RNF220: variants seen among roughly 807,000 people sequenced by gnomAD.
RNF220 encodes ring finger protein 220, also known as E3 ubiquitin-protein ligase RNF220.
Under a neutral mutation model 67.1 loss-of-function variants are expected in RNF220, and 7 were observed. That is an observed-to-expected ratio of 0.10 (90% CI 0.06 to 0.20). The LOEUF (loss-of-function observed/expected upper bound fraction) is 0.20. RNF220 is among the 10% of genes least tolerant of loss of function. The pLI, the probability that RNF220 is intolerant of heterozygous loss-of-function variation, is 1.00. For synonymous variants in RNF220, 270 were observed against 283.2 expected, an observed-to-expected ratio of 0.95 and a Z score of 0.47; for missense variants, 565 against 740.3, an observed-to-expected ratio of 0.76 and a Z score of 2.75.
Position 44,570,498 on chromosome 1 carries a change from T to C in RNF220, c.626-43667T>C, listed in dbSNP as rs544594164. Among the ~76,000 whole-genome samples the C allele has an allele frequency of 7.2e-5, 11 of 152,316 alleles. No homozygotes were observed. The South Asian group carries it at 1.0e-3, about 14-fold the overall frequency. On this transcript the variant is annotated intron_variant, in intron 2 of 14. Coordinates refer to ENST00000361799, the MANE Select transcript of RNF220 (RefSeq NM_018150.4). Reference sequence around the variant, plus strand: ...TTATGTTGGACTAAGGAAAGTAAAGTACAGAGGGGTCGGATAATGTCCCCG... The same window carrying C: ...TTATGTTGGACTAAGGAAAGTAAAGCACAGAGGGGTCGGATAATGTCCCCG...
chr1:44,499,994 CTCCATCTCTACCACATG>C (rs1030883459), intron 2 of RNF220, among the ~76,000 whole-genome samples: 7 of 119,290 alleles, frequency 5.9e-5, no homozygotes, highest in Admixed American at 4.7e-4. Context: ...GACAGCTTCT[CTCCATCTCTACCACATG>C]ACCCTGGACC....
intron 2 of RNF220, among the ~76,000 whole-genome samples, chr1:44,428,890 G>A (rs897559905): frequency 1.3e-5 from 2 of 151,950 alleles, no homozygotes; most frequent in African/African-American, 4.8e-5. Flanking sequence ...TGCAGTTGGA[G>A]GAATTGGATA....
intron 2 of RNF220, among the ~76,000 whole-genome samples, chr1:44,497,358 C>A (rs1657431410): frequency 2.0e-5 from 3 of 151,686 alleles, no homozygotes; most frequent in African/African-American, 7.3e-5. Context: ...CACACACACA[C>A]ACACACAGAG....
chr1:44,561,215 A>G lies in RNF220; in HGVS notation c.626-52950A>G, dbSNP rs149364024. On this transcript the variant is annotated intron_variant, in intron 2 of 14. Transcript: ENST00000361799. ...TGAAGATGTGTGAACTGAGTCTTTA[A>G]AAAAGAACCTACGTGGCTGGGCGCG... Among the ~76,000 whole-genome samples, 222 of 152,306 alleles carry G rather than the reference A, an allele frequency of 1.5e-3. 1 individual carries two copies. The highest frequency in any genetic ancestry group is 5.1e-3 in the African/African-American group (210 of 41,580).
At chr1:44,572,924 TC>T in intron 2 of RNF220, 1 of 349,210 alleles carries the variant, frequency 2.9e-6, no homozygotes, top group Non-Finnish European at 5.9e-6. Flanking sequence ...AAGGGAAAGA[TC>T]CTCCAGGTGG....
At chr1:44,426,049 G>A (rs1218621855) in intron 2 of RNF220, among the ~76,000 whole-genome samples, 1 of 152,148 alleles carries the variant, frequency 6.6e-6, no homozygotes, top group African/African-American at 2.4e-5. Context: ...TTGGCAGGCT[G>A]TTTTCTATAC....
intron 2 of RNF220, among the ~76,000 whole-genome samples, chr1:44,428,285 G>C (rs754821491): frequency 6.6e-6 from 1 of 152,204 alleles, no homozygotes; most frequent in Non-Finnish European, 1.5e-5. Context: ...AGCCAACTCA[G>C]ATAGCAAGTC....
chr1:44,563,121 G>A (rs112380756), intron 2 of RNF220, among the ~76,000 whole-genome samples: 396 of 152,342 alleles, frequency 2.6e-3, no homozygotes, highest in Non-Finnish European at 4.2e-3. Flanking sequence ...GAGAAGCTGG[G>A]GAATATTTCT....
chr1:44,422,644 AG>A (rs1223766691), intron 2 of RNF220, among the ~76,000 whole-genome samples: 2 of 152,336 alleles, frequency 1.3e-5, no homozygotes, highest in Non-Finnish European at 1.5e-5. Context: ...TGAGAAGTTG[AG>A]TGACTTGTAA....
chr1:44,422,593 C>T (rs1649350407), intron 2 of RNF220, among the ~76,000 whole-genome samples: 1 of 152,176 alleles, frequency 6.6e-6, no homozygotes, highest in Admixed American at 6.5e-5. Flanking sequence ...GTGCCTGCTG[C>T]TGAAGTACCC....
At position 44,472,963 on chromosome 1, in the gene RNF220, C is replaced by T. The variant is rs1432136299; in HGVS notation, c.625+60241C>T. Reference sequence around the variant, plus strand: ...CACTTTGCCCTAACTAGGTCACATACGTTCCGGACAGGATGATATTCATGT... The same window carrying T: ...CACTTTGCCCTAACTAGGTCACATATGTTCCGGACAGGATGATATTCATGT... On this transcript the variant is annotated intron_variant, in intron 2 of 14. Transcript: ENST00000361799. Among the ~76,000 whole-genome samples, 3 of 152,142 alleles carry T rather than the reference C, an allele frequency of 2.0e-5. No individual in the cohort carries two copies. The East Asian group carries it at 5.8e-4, about 29-fold the overall frequency.
Position 44,649,887 on chromosome 1 carries a change from C to T in RNF220, c.1559C>T (p.Ser520Leu), listed in dbSNP as rs1367860884. The T allele has an allele frequency of 5.0e-6, 8 of 1,613,940 alleles. No homozygotes were observed. Among genetic ancestry groups the T allele is most frequent in the South Asian group, 2.2e-5 (2 of 91,094 alleles). Reference protein sequence around the residue: ...DRYKCLICMDSYSMPLTSIQC... With the variant: ...DRYKCLICMDLYSMPLTSIQC... ...TCTCTGCCCCCTCCTCCCTAGGACT[C>T]GTACTCGATGCCCCTAACGTCCATC... Residue 520 changes from serine (S) to leucine (L), a missense_variant, in exon 14 of 15, where the codon TCG becomes TTG. Ser to Leu is a moderately radical substitution (Grantham distance 145). Coordinates refer to ENST00000361799, the MANE Select transcript of RNF220 (RefSeq NM_018150.4). This position sits in a 1 kb window ranked among gnomAD's most constrained non-coding sequence, Gnocchi z 5.9.
chr1:44,637,274 T>C (rs1216290158), intron 8 of RNF220, among the ~76,000 whole-genome samples: 2 of 152,194 alleles, frequency 1.3e-5, no homozygotes, highest in Non-Finnish European at 2.9e-5. Flanking sequence ...GTCTCTCACA[T>C]TACCCAGGTG....
intron 2 of RNF220, among the ~76,000 whole-genome samples, chr1:44,470,782 C>G (rs894752451): frequency 6.6e-6 from 1 of 152,332 alleles, no homozygotes; most frequent in South Asian, 2.1e-4. Context: ...ATTTCCCTCC[C>G]GTCCTCTTCC....
intron 2 of RNF220, among the ~76,000 whole-genome samples, chr1:44,513,593 T>G (rs1659211948): frequency 6.6e-6 from 1 of 152,096 alleles, no homozygotes; most frequent in Non-Finnish European, 1.5e-5. Context: ...AGCGGTGACA[T>G]GATGGGAACC....
At chr1:44,500,875 CTGGAGTCCACAACG>C (rs1657783391) in intron 2 of RNF220, among the ~76,000 whole-genome samples, 1 of 152,236 alleles carries the variant, frequency 6.6e-6, no homozygotes, top group Non-Finnish European at 1.5e-5. Context: ...CAGGTCCACC[CTGGAGTCCACAACG>C]TGGGGCTCGG....
At chr1:44,625,874 T>C (rs1013217172) in intron 4 of RNF220, among the ~76,000 whole-genome samples, 4 of 152,090 alleles carry the variant, frequency 2.6e-5, no homozygotes, top group Non-Finnish European at 5.9e-5. Context: ...TGCTATTTAA[T>C]TTACTGTCTC....
intron 2 of RNF220, among the ~76,000 whole-genome samples, chr1:44,595,154 A>G (rs965324301): frequency 6.6e-6 from 1 of 152,184 alleles, no homozygotes; most frequent in Non-Finnish European, 1.5e-5. Context: ...ATTAACCTCC[A>G]AGTGTTCCAT....
At chr1:44,566,926 A>G (rs553073290) in intron 2 of RNF220, among the ~76,000 whole-genome samples, 1 of 152,314 alleles carries the variant, frequency 6.6e-6, no homozygotes, top group South Asian at 2.1e-4. Flanking sequence ...CAGAAAGCTG[A>G]GCCAGCCTCG....
Sources: allele counts gnomAD v4.1 joint callset (sites outside exome capture counted in the v4.1 genomes callset), GRCh38; gene constraint gnomAD v4.1.1; non-coding constraint Gnocchi (gnomAD v3.1); transcripts MANE v1.5; gene names NCBI Gene and HGNC (gene_info 2026-07-23, HGNC 2026-07-21).